Variants in SRP14 observed in about 807,000 individuals in gnomAD.
SRP14 encodes the protein signal recognition particle 14 kDa protein.
A neutral mutation model predicts 16.0 loss-of-function variants in SRP14; 1 was observed. The ratio of observed to expected loss-of-function variants is 0.06; its 90% confidence interval spans 0.02 to 0.30. SRP14 has a LOEUF of 0.30. SRP14 is among the 10% of genes least tolerant of loss of function. The pLI, the probability that SRP14 is intolerant of heterozygous loss-of-function variation, is 1.00. For synonymous variants in SRP14, 67 were observed against 60.1 expected, an observed-to-expected ratio of 1.12 and a Z score of -0.53; for missense variants, 120 against 163.1, an observed-to-expected ratio of 0.74 and a Z score of 1.44.
At chr15:40,039,192 G>T, upstream of SRP14, 1 of 1,535,726 alleles carries the variant, frequency 6.5e-7, no homozygotes. Flanking sequence ...AGGCTGGGCG[G>T]GACTTCCGCT....
Position 40,036,393 on chromosome 15 carries a change from A to AGGTGCT in SRP14, c.345_350dup (p.Pro117_Ala118dup), listed in dbSNP as rs1555424245. On this transcript the variant is annotated inframe_insertion, in exon 5 of 5. Coordinates refer to ENST00000267884, the MANE Select transcript of SRP14 (RefSeq NM_003134.6). ...TTGTTGGTGCTGTTGCTGCTGCGGC[A>AGGTGCT]GGTGCTGCTGCTGCTGCTGCTGCTG... is the stretch of plus-strand genomic sequence containing the variant. 26 of 1,610,854 alleles carry AGGTGCT rather than the reference A, an allele frequency of 1.6e-5. No homozygotes were observed. The highest frequency in any genetic ancestry group is 1.2e-4 in the African/African-American group (9 of 73,682).
chr15:40,037,255 G>T, intron 3 of SRP14: 4 of 1,155,192 alleles, frequency 3.5e-6, no homozygotes, highest in Non-Finnish European at 4.3e-6. Flanking sequence ...ACCAAGAGGT[G>T]AAAGGCAGTA....
chr15:40,036,801 T>A, intron 4 of SRP14, 185 bp downstream of exon 4: 1 of 710,310 alleles, frequency 1.4e-6, no homozygotes, highest in Non-Finnish European at 2.4e-6. Flanking sequence ...AAATCTAACT[T>A]AAAAAAACTA....
chr15:40,037,958 A>C (rs115878726), intron 3 of SRP14, among the ~76,000 whole-genome samples: 5,451 of 152,280 alleles, frequency 0.036, 346 homozygotes, highest in African/African-American at 0.12. Context: ...TGGTACCAAG[A>C]AACTGCTTAT....
chr15:40,038,715 A>C (rs987815057), intron 2 of SRP14, 161 bp downstream of exon 2: 50 of 748,124 alleles, frequency 6.7e-5, no homozygotes, highest in Admixed American at 3.9e-4. Flanking sequence ...GGACTGAGCC[A>C]GCTACAATCC....
chr15:40,038,180 G>A (rs1437504432), intron 3 of SRP14, 102 bp downstream of exon 3: 6 of 931,608 alleles, frequency 6.4e-6, no homozygotes, highest in Non-Finnish European at 1.0e-5. Flanking sequence ...GCCACACAGG[G>A]CAAAAGGGAA....
In SRP14 at chr15:40,039,078, C is replaced by G; in HGVS notation, c.24+15G>C. The G allele has an allele frequency of 6.2e-7, 1 of 1,608,164 alleles. No individual in the cohort carries two copies. Among genetic ancestry groups the G allele is most frequent in the South Asian group, 1.1e-5 (1 of 90,230 alleles). On this transcript the variant is annotated intron_variant, in intron 1 of 4. Transcript: ENST00000267884. ...GAGCCGCCCCCTTCCCTCGGCCGGCCAGGCCTAGCCATACCTGCTCGCTCT... is the reference window on the plus strand; with the variant it reads ...GAGCCGCCCCCTTCCCTCGGCCGGCGAGGCCTAGCCATACCTGCTCGCTCT...
In SRP14 at chr15:40,038,723, T is replaced by A. The variant is rs1858981909; in HGVS notation, c.97+153A>T. On this transcript the variant is annotated intron_variant, in intron 2 of 4. Transcript: ENST00000267884. ...GTGCTGGGGACTGAGCCAGCTACAA[T>A]CCCTACTATTTTCCGGGCCCGAAGC... 6.3e-6 allele frequency: 5 copies of A among 789,018 alleles called. No individual in the cohort carries two copies. The Middle Eastern group carries it at 1.1e-3, about 172-fold the overall frequency. 48.9% of individuals were successfully genotyped at this position (789,018 alleles called of 1,614,324 possible).
intron 3 of SRP14, chr15:40,037,473 T>G (rs1041444926): frequency 1.3e-5 from 8 of 613,516 alleles, no homozygotes; most frequent in Non-Finnish European, 1.8e-5. Flanking sequence ...TCAAGCATAT[T>G]TAAGCACAAT....
At position 40,035,743 on chromosome 15, in the gene SRP14, C is replaced by T. The variant is rs143972040; in HGVS notation, c.*590G>A. 6.6e-6 allele frequency: 1 copy of T among 152,384 alleles called. No individual in the cohort carries two copies. The highest frequency in any genetic ancestry group is 2.4e-5 in the African/African-American group (1 of 41,544). 9.4% of individuals were successfully genotyped at this position (152,384 alleles called of 1,614,324 possible). A position where few individuals can be genotyped will look rare whatever the true frequency, so the allele number is the denominator to read the frequency against. On this transcript the variant is annotated 3_prime_UTR_variant, in exon 5 of 5. Coordinates refer to ENST00000267884, the MANE Select transcript of SRP14 (RefSeq NM_003134.6). Reference sequence around the variant, plus strand: ...ATAAAGAAACCAAAAATCATAATTACTTTGGAACCTTTATTCTTGATGACT... The same window carrying T: ...ATAAAGAAACCAAAAATCATAATTATTTTGGAACCTTTATTCTTGATGACT...
intron 2 of SRP14, 194 bp from the exon 3 acceptor site, chr15:40,038,588 AATAT>A: frequency 3.3e-6 from 2 of 609,202 alleles, no homozygotes; most frequent in Non-Finnish European, 5.8e-6. Context: ...GGAAACATGT[AATAT>A]CGAAGCACGT....
chr15:40,037,278 G>GTAAAAAAAAAAAAAA, intron 3 of SRP14: 4 of 193,352 alleles, frequency 2.1e-5, no homozygotes, highest in Non-Finnish European at 2.7e-5. Flanking sequence ...CTCCTTTTGG[G>GTAAAAAAAAAAAAAA]GAAAAAAAAA....
At chr15:40,037,110 C>A in intron 3 of SRP14, 92 bp from the exon 4 acceptor site, 1 of 1,426,964 alleles carries the variant, frequency 7.0e-7, no homozygotes, top group South Asian at 1.3e-5. Flanking sequence ...CTCCGGAAGA[C>A]AATATCCTTA....
chr15:40,038,476 G>A (rs1595446126), intron 2 of SRP14, 82 bp from the exon 3 acceptor site: 2 of 970,066 alleles, frequency 2.1e-6, no homozygotes, highest in East Asian at 2.4e-5. Context: ...GAGGAGTGGG[G>A]TAAGTGATGA....
In SRP14 at chr15:40,038,340, G is replaced by A; in HGVS notation, c.152C>T (p.Pro51Leu). The change falls in exon 3 of 5, where the codon CCC (proline) becomes CTC (leucine). Residue 51 changes from proline (P) to leucine (L), a missense_variant. This residue lies in a region of SRP14 where 44 missense variants were observed against 93.1 expected (regional missense o/e 0.47). Coordinates refer to ENST00000267884, the MANE Select transcript of SRP14 (RefSeq NM_003134.6). Reference sequence around the variant, plus strand: ...TCTTAACAGACACTTGTTGTCTGCGGGCTCAAAGCCCTCCACAGTACCCTT... The same window carrying A: ...TCTTAACAGACACTTGTTGTCTGCGAGCTCAAAGCCCTCCACAGTACCCTT... ...PKKGTVEGFE[P>L]ADNKCLLRAT... The A allele has an allele frequency of 1.2e-6, 2 of 1,614,078 alleles. No homozygotes were observed. The highest frequency in any genetic ancestry group is 1.7e-6 in the Non-Finnish European group (2 of 1,180,002).
At chr15:40,036,664 A>G in intron 4 of SRP14, 164 bp from the exon 5 acceptor site, 1 of 757,514 alleles carries the variant, frequency 1.3e-6, no homozygotes, top group Non-Finnish European at 2.2e-6. Context: ...ACTCTTTCAC[A>G]TTATAGCAGC....
intron 2 of SRP14, 105 bp from the exon 3 acceptor site, chr15:40,038,499 C>T: frequency 2.7e-6 from 2 of 750,412 alleles, no homozygotes; most frequent in South Asian, 3.0e-5. Flanking sequence ...TAACCCAGCC[C>T]CGCTGCTCTA....
intron 3 of SRP14, 111 bp from the exon 4 acceptor site, chr15:40,037,129 A>C (rs1364919762): frequency 7.5e-7 from 1 of 1,337,122 alleles, no homozygotes; most frequent in Non-Finnish European, 1.0e-6. Flanking sequence ...TATCTTTAAA[A>C]TACTTCTCCC....
rs967316326 is a variant in SRP14, at chr15:40,035,829, G to C, written c.*504C>G. 1 of 153,308 alleles carries C rather than the reference G, an allele frequency of 6.5e-6. No individual in the cohort carries two copies. Among genetic ancestry groups the C allele is most frequent in the Non-Finnish European group, 1.5e-5 (1 of 68,872 alleles). 9.5% of individuals were successfully genotyped at this position (153,308 alleles called of 1,614,324 possible). A position where few individuals can be genotyped will look rare whatever the true frequency, so the allele number is the denominator to read the frequency against. On this transcript the variant is annotated 3_prime_UTR_variant, in exon 5 of 5. Transcript: ENST00000267884. ...TCTCATTTGACTGTGAGAACTCATCGAAACTGGGGAACCATGATGATAAAA... is the reference window on the plus strand; with the variant it reads ...TCTCATTTGACTGTGAGAACTCATCCAAACTGGGGAACCATGATGATAAAA...
Sources: allele counts gnomAD v4.1 joint callset (sites outside exome capture counted in the v4.1 genomes callset), GRCh38; gene constraint gnomAD v4.1.1; regional missense constraint gnomAD v4.1.1; transcripts MANE v1.5; gene names NCBI Gene and HGNC (gene_info 2026-07-23, HGNC 2026-07-21).